Variants in TENM2 observed in about 807,000 individuals in gnomAD.
TENM2 encodes teneurin-2.
Under a neutral mutation model 245.2 loss-of-function variants are expected in TENM2, and 52 were observed. The observed-to-expected ratio is 0.21, with a 90% CI of 0.17 to 0.27. TENM2 has a LOEUF of 0.27. Among genes scored for constraint, TENM2 ranks in the 10% least tolerant of loss-of-function variants. The pLI is 1.00. For missense variants in TENM2, 3,046 were observed against 3,666.8 expected, an observed-to-expected ratio of 0.83 and a Z score of 4.37; for synonymous variants, 1,363 against 1,438.9, an observed-to-expected ratio of 0.95 and a Z score of 1.19.
At chr5:167,091,925 T>A in the TENM2 span, among the ~76,000 whole-genome samples, 1 of 152,222 alleles carries the variant, frequency 6.6e-6, no homozygotes, top group African/African-American at 2.4e-5. Flanking sequence ...ACTCTGAGGT[T>A]CTCAAAGTTA....
At chr5:167,456,657 A>G (rs1765941745) in intron 2 of TENM2, among the ~76,000 whole-genome samples, 1 of 152,200 alleles carries the variant, frequency 6.6e-6, no homozygotes, top group Admixed American at 6.5e-5. Context: ...TTTACACAAG[A>G]TGGATGTTCT....
chr5:168,173,074 T>C (rs1758994919), intron 13 of TENM2, among the ~76,000 whole-genome samples: 1 of 152,212 alleles, frequency 6.6e-6, no homozygotes, highest in Non-Finnish European at 1.5e-5. Context: ...TATGTCATCA[T>C]GGAGCTCTCC....
At chr5:167,667,179 A>G (rs912745932) in intron 2 of TENM2, among the ~76,000 whole-genome samples, 1 of 152,196 alleles carries the variant, frequency 6.6e-6, no homozygotes, top group African/African-American at 2.4e-5. Flanking sequence ...AAACTGGCTT[A>G]AGAATAAGGC....
At chr5:167,700,807 A>G (rs1472482700) in intron 2 of TENM2, among the ~76,000 whole-genome samples, 3 of 152,174 alleles carry the variant, frequency 2.0e-5, no homozygotes, top group African/African-American at 7.2e-5. Flanking sequence ...ATGTTTTGAT[A>G]AACTGATTCC....
chr5:167,695,195 TGAGGG>T (rs1297740327), intron 2 of TENM2, among the ~76,000 whole-genome samples: 2 of 152,204 alleles, frequency 1.3e-5, no homozygotes, highest in African/African-American at 4.8e-5. Context: ...GGTCACATAA[TGAGGG>T]GTAGGCAAAC....
At chr5:167,104,539 T>A in the TENM2 span, among the ~76,000 whole-genome samples, 1 of 152,252 alleles carries the variant, frequency 6.6e-6, no homozygotes, top group Non-Finnish European at 1.5e-5. Context: ...TTACTTTGTA[T>A]GTGCCTTACC....
At chr5:167,126,723 T>A in the TENM2 span, among the ~76,000 whole-genome samples, 1 of 152,164 alleles carries the variant, frequency 6.6e-6, no homozygotes, top group Admixed American at 6.5e-5. Flanking sequence ...CTAAACCGTA[T>A]CCATTTTATT....
chr5:167,736,655 AC>A (rs1200503460), intron 2 of TENM2, among the ~76,000 whole-genome samples: 2 of 148,384 alleles, frequency 1.3e-5, no homozygotes, highest in African/African-American at 5.0e-5. Context: ...GCAGCCAGTC[AC>A]CTAGGACCTC....
At chr5:167,473,040 G>A (rs1281178330) in intron 2 of TENM2, among the ~76,000 whole-genome samples, 2 of 152,118 alleles carry the variant, frequency 1.3e-5, no homozygotes, top group African/African-American at 4.8e-5. Context: ...AAAAGAAACT[G>A]GAAACTTTTT....
At chr5:167,538,885 G>C (rs1772015698) in intron 2 of TENM2, among the ~76,000 whole-genome samples, 1 of 152,146 alleles carries the variant, frequency 6.6e-6, no homozygotes, top group Non-Finnish European at 1.5e-5. Context: ...ATAAGAGTTA[G>C]GCTCTCTCTA....
At position 167,598,782 on chromosome 5, in the gene TENM2, T is replaced by C. The variant is rs528140628; in HGVS notation, c.502+223309T>C. On this transcript the variant is annotated intron_variant, in intron 2 of 28. Transcript: ENST00000518659. The stretch of plus-strand genomic sequence containing the variant: ...TTTTAATGTCGGAGGCAATGAGTAA[T>C]AATGTAAATGTTGGCAGTTATCAAA... 1.8e-4 allele frequency among the ~76,000 whole-genome samples: 28 copies of C among 152,084 alleles called. No homozygotes were observed. The South Asian group carries it at 4.4e-3, about 24-fold the overall frequency.
chr5:167,604,017 G>A (rs932105728), intron 2 of TENM2, among the ~76,000 whole-genome samples: 17 of 152,236 alleles, frequency 1.1e-4, no homozygotes, highest in Non-Finnish European at 2.4e-4. Flanking sequence ...CTGTAGTGGG[G>A]CACATGTATC....
chr5:167,813,315 G>C (rs1253852402), intron 2 of TENM2, among the ~76,000 whole-genome samples: 1 of 151,998 alleles, frequency 6.6e-6, no homozygotes, highest in Non-Finnish European at 1.5e-5. Flanking sequence ...GGCTTTCAGA[G>C]GAAGGGGAAA....
chr5:167,040,793 C>A, the TENM2 span, among the ~76,000 whole-genome samples: 87 of 152,246 alleles, frequency 5.7e-4, no homozygotes, highest in African/African-American at 1.8e-3. Context: ...ATACATTGAG[C>A]TTTAATGAAT....
chr5:167,901,192 TTC>T (rs929398315), intron 3 of TENM2, among the ~76,000 whole-genome samples: 10 of 152,160 alleles, frequency 6.6e-5, no homozygotes, highest in South Asian at 4.1e-4. Flanking sequence ...TTCTCTTTCT[TTC>T]TCTTTCTCAC....
intron 2 of TENM2, among the ~76,000 whole-genome samples, chr5:167,824,105 G>A (rs954736426): frequency 2.0e-5 from 3 of 152,214 alleles, no homozygotes; most frequent in Non-Finnish European, 2.9e-5. Flanking sequence ...CAGAGGCATC[G>A]CCTGCTGCCT....
chr5:168,018,104 G>T (rs928847744), intron 5 of TENM2, among the ~76,000 whole-genome samples: 1 of 152,140 alleles, frequency 6.6e-6, no homozygotes, highest in Non-Finnish European at 1.5e-5. Flanking sequence ...TCTCGGAGTT[G>T]GTTGTGGGGT....
chr5:167,939,471 A>G (rs1778995761), intron 3 of TENM2, among the ~76,000 whole-genome samples: 1 of 152,190 alleles, frequency 6.6e-6, no homozygotes, highest in African/African-American at 2.4e-5. Flanking sequence ...CAACAAAAAA[A>G]TCTGTTAAAT....
At chr5:167,136,545 C>A in the TENM2 span, among the ~76,000 whole-genome samples, 3 of 152,158 alleles carry the variant, frequency 2.0e-5, no homozygotes, top group Non-Finnish European at 4.4e-5. Flanking sequence ...AAATTTCTTT[C>A]CAGACCAGCC....
Sources: allele counts gnomAD v4.1 joint callset (sites outside exome capture counted in the v4.1 genomes callset), GRCh38; gene constraint gnomAD v4.1.1; transcripts MANE v1.5; gene names NCBI Gene and HGNC (gene_info 2026-07-23, HGNC 2026-07-21).